SGCD: variants seen among roughly 807,000 people sequenced by gnomAD.
The protein encoded by SGCD is sarcoglycan delta, also known as delta-sarcoglycan.
SGCD carries 18 observed loss-of-function variants against 36.6 expected under a neutral mutation model. That is an observed-to-expected ratio of 0.49 (90% CI 0.34 to 0.73). The LOEUF (loss-of-function observed/expected upper bound fraction) is 0.73. Among genes scored for constraint, SGCD ranks in the 30% least tolerant of loss-of-function variants. The pLI is 0.01. For missense variants in SGCD, 387 were observed against 346.7 expected, an observed-to-expected ratio of 1.12 and a Z score of -0.92; for synonymous variants, 133 against 130.6, an observed-to-expected ratio of 1.02 and a Z score of -0.12.
chr5:156,160,721 TTGCCTCTTCTTCA>T (rs1165781838), intron 3 of SGCD, among the ~76,000 whole-genome samples: 1 of 151,714 alleles, frequency 6.6e-6, no homozygotes, highest in African/African-American at 2.4e-5. Flanking sequence ...TGATTTTTTT[TTGCCTCTTCTTCA>T]TGTGTGCCCA....
intron 3 of SGCD, among the ~76,000 whole-genome samples, chr5:156,159,464 G>T (rs1763038678): frequency 6.6e-6 from 1 of 151,268 alleles, no homozygotes; most frequent in Middle Eastern, 3.4e-3. Flanking sequence ...ATCTTTCTCT[G>T]AACCACTCAT....
chr5:155,842,512 G>T, the SGCD span, among the ~76,000 whole-genome samples: 2 of 152,004 alleles, frequency 1.3e-5, no homozygotes, highest in Admixed American at 1.3e-4. Context: ...GTCAGAGGTT[G>T]CAGTGAGCTG....
chr5:155,750,220 A>G, the SGCD span, among the ~76,000 whole-genome samples: 2 of 152,222 alleles, frequency 1.3e-5, no homozygotes, highest in African/African-American at 2.4e-5. Flanking sequence ...GTGTAATCAA[A>G]TGCCTTCAAA....
chr5:155,783,021 A>G, the SGCD span, among the ~76,000 whole-genome samples: 1 of 152,188 alleles, frequency 6.6e-6, no homozygotes, highest in Non-Finnish European at 1.5e-5. Flanking sequence ...CAGAGGATTC[A>G]TCTGGAACTA....
At chr5:156,547,119 T>C (rs977780518) in intron 4 of SGCD, among the ~76,000 whole-genome samples, 9 of 152,220 alleles carry the variant, frequency 5.9e-5, no homozygotes, top group African/African-American at 1.9e-4. Context: ...ACAGAGGCAA[T>C]TGCCAGTGTC....
At chr5:156,409,647 T>C (rs1772636591) in intron 3 of SGCD, among the ~76,000 whole-genome samples, 2 of 152,236 alleles carry the variant, frequency 1.3e-5, no homozygotes, top group South Asian at 4.1e-4. Flanking sequence ...ACAAACTACT[T>C]AGCTTGTCTG....
At chr5:156,646,640 A>G (rs141276199) in intron 6 of SGCD, among the ~76,000 whole-genome samples, 80 of 152,334 alleles carry the variant, frequency 5.3e-4, no homozygotes, top group Middle Eastern at 3.4e-3. Context: ...CACCAAATGT[A>G]TAAAAAAGAA....
At chr5:155,934,464 C>G (rs1757159875) in intron 1 of SGCD, among the ~76,000 whole-genome samples, 1 of 152,160 alleles carries the variant, frequency 6.6e-6, no homozygotes, top group African/African-American at 2.4e-5. Flanking sequence ...ACCTGACAAA[C>G]AGAATAACTT....
chr5:155,858,327 T>C, the SGCD span, among the ~76,000 whole-genome samples: 1 of 152,224 alleles, frequency 6.6e-6, no homozygotes, highest in Non-Finnish European at 1.5e-5. Flanking sequence ...TTAATGGTGG[T>C]GATGGTTTCA....
Position 156,059,483 on chromosome 5 carries a change from A to C in SGCD, c.-281-58395A>C, listed in dbSNP as rs112455448. 1.2e-3 allele frequency among the ~76,000 whole-genome samples: 182 copies of C among 145,824 alleles called. 22 individuals carry two copies. Among genetic ancestry groups the C allele is most frequent in the Admixed American group, 2.3e-3 (33 of 14,602 alleles). On this transcript the variant is annotated intron_variant, in intron 1 of 9. Coordinates refer to the SGCD transcript ENST00000517913. ...AATCCAAGATTGCAACACATATAAG[A>C]CTCTGTGAGGTTGGAGTGGCAGCTG...
intron 3 of SGCD, among the ~76,000 whole-genome samples, chr5:156,310,873 C>T (rs1767374379): frequency 6.6e-6 from 1 of 152,200 alleles, no homozygotes; most frequent in South Asian, 2.1e-4. Flanking sequence ...AAACTAATGA[C>T]TTGTAATTCT....
chr5:156,034,952 ATTTTC>A (rs1759451217), intron 1 of SGCD, among the ~76,000 whole-genome samples: 1 of 152,100 alleles, frequency 6.6e-6, no homozygotes, highest in Non-Finnish European at 1.5e-5. Context: ...AAGTTTTGTT[ATTTTC>A]TTTTTGTGAA....
At chr5:155,991,844 T>C (rs1028987918) in intron 1 of SGCD, among the ~76,000 whole-genome samples, 4 of 152,228 alleles carry the variant, frequency 2.6e-5, no homozygotes, top group African/African-American at 9.6e-5. Context: ...CTTTTTTTCT[T>C]ATCTTGTAGA....
At chr5:155,894,137 TA>T (rs1449959772) in intron 1 of SGCD, among the ~76,000 whole-genome samples, 4 of 152,220 alleles carry the variant, frequency 2.6e-5, no homozygotes, top group African/African-American at 9.6e-5. Flanking sequence ...GTAGACTTTA[TA>T]AACACTGGCC....
chr5:156,024,770 C>A (rs1445778001), intron 1 of SGCD, among the ~76,000 whole-genome samples: 2 of 152,026 alleles, frequency 1.3e-5, no homozygotes, highest in Non-Finnish European at 2.9e-5. Flanking sequence ...CCAGCCTGGG[C>A]AACATGGTGA....
the SGCD span, among the ~76,000 whole-genome samples, chr5:155,739,148 AG>A: frequency 6.6e-6 from 1 of 152,222 alleles, no homozygotes; most frequent in African/African-American, 2.4e-5. Flanking sequence ...TGCTGGAAAG[AG>A]AGGAGACAAG....
the SGCD span, among the ~76,000 whole-genome samples, chr5:155,757,718 C>G: frequency 6.6e-6 from 1 of 152,170 alleles, no homozygotes; most frequent in Non-Finnish European, 1.5e-5. Context: ...TGCTCTCAAA[C>G]TTGCTGTATG....
chr5:156,516,393 C>A lies in SGCD; in HGVS notation c.294+7691C>A, dbSNP rs146599310. ...GACACCTCCAGGTGCAGGAAAAGAC[C>A]CAGGAGTGGCCCCCCAGCAAACTGC... On this transcript the variant is annotated intron_variant, in intron 4 of 8. Coordinates refer to ENST00000337851, the MANE Select transcript of SGCD (RefSeq NM_000337.6). 3.2e-4 allele frequency among the ~76,000 whole-genome samples: 49 copies of A among 152,280 alleles called. 1 individual carries two copies. The East Asian group carries it at 6.2e-3, about 19-fold the overall frequency.
chr5:156,719,960 C>T (rs1471740708), intron 7 of SGCD, among the ~76,000 whole-genome samples: 1 of 151,920 alleles, frequency 6.6e-6, no homozygotes, highest in Non-Finnish European at 1.5e-5. Flanking sequence ...AAAGACTGAC[C>T]CAGAGAGAAA....
Sources: allele counts gnomAD v4.1 joint callset (sites outside exome capture counted in the v4.1 genomes callset), GRCh38; gene constraint gnomAD v4.1.1; transcripts MANE v1.5; gene names NCBI Gene and HGNC (gene_info 2026-07-23, HGNC 2026-07-21).